Variants in PHLPP1 observed in about 807,000 individuals in gnomAD.
PHLPP1 encodes the protein PH domain and leucine rich repeat protein phosphatase 1, also known as PH domain leucine-rich repeat-containing protein phosphatase 1.
A neutral mutation model predicts 117.2 loss-of-function variants in PHLPP1; 42 were observed. That is an observed-to-expected ratio of 0.36 (90% CI 0.28 to 0.46). PHLPP1 has a LOEUF of 0.46. Among genes scored for constraint, PHLPP1 ranks in the 20% least tolerant of loss-of-function variants. PHLPP1 has a pLI of 1.00. For missense variants in PHLPP1, 2,084 were observed against 2,241.9 expected, an observed-to-expected ratio of 0.93 and a Z score of 1.42; for synonymous variants, 1,042 against 970.7, an observed-to-expected ratio of 1.07 and a Z score of -1.37.
At chr18:62,783,049 G>A (rs145836000) in intron 1 of PHLPP1, among the ~76,000 whole-genome samples, 4 of 141,412 alleles carry the variant, frequency 2.8e-5, no homozygotes, top group African/African-American at 1.0e-4. Flanking sequence ...AATAATTTAG[G>A]GACCAATAAA....
intron 9 of PHLPP1, among the ~76,000 whole-genome samples, chr18:62,916,357 G>A (rs653184): frequency 0.46 from 68,689 of 149,856 alleles, 15,974 homozygotes; most frequent in Middle Eastern, 0.58. Flanking sequence ...TTCTTTTAAT[G>A]TGGCTACTAG....
intron 4 of PHLPP1, among the ~76,000 whole-genome samples, chr18:62,885,234 G>A (rs182806991): frequency 2.0e-3 from 309 of 152,260 alleles, no homozygotes; most frequent in African/African-American, 7.1e-3. Context: ...GTAAAACATT[G>A]GCTTTTTTGT....
intron 1 of PHLPP1, among the ~76,000 whole-genome samples, chr18:62,733,851 A>G (rs1179124566): frequency 6.6e-6 from 1 of 152,138 alleles, no homozygotes; most frequent in Non-Finnish European, 1.5e-5. Context: ...ACTCTAAATT[A>G]TTGGTTCCAG....
rs754251244 is a variant in PHLPP1 at position 62,963,445 on chromosome 18, A to G, written c.3533A>G (p.Tyr1178Cys). The change falls in exon 14 of 17, where the codon TAC becomes TGC. Residue 1178 changes from tyrosine (Y) to cysteine (C), a missense_variant. Transcript: ENST00000262719. ...GCCCCAGCTGTATGGAGTCATGGTT[A>G]CACTGAAGCTTCGGGGGTAAAAAAC... The part of the protein sequence containing the change: ...SGAPAVWSHG[Y>C]TEASGVKNKL... 9 of 1,612,804 alleles carry G rather than the reference A, an allele frequency of 5.6e-6. No homozygotes were observed. The highest frequency in any genetic ancestry group is 1.7e-5 in the Admixed American group (1 of 59,902).
chr18:62,945,301 C>G, intron 12 of PHLPP1, 30 bp downstream of exon 12: 1 of 1,554,918 alleles, frequency 6.4e-7, no homozygotes. Flanking sequence ...AAACTCTAAG[C>G]TTCAGGTCGG....
intron 3 of PHLPP1, among the ~76,000 whole-genome samples, chr18:62,842,115 AC>A (rs1379641251): frequency 6.6e-6 from 1 of 152,248 alleles, no homozygotes; most frequent in Non-Finnish European, 1.5e-5. Context: ...AGTAGAACTA[AC>A]TAACTCAATA....
intron 1 of PHLPP1, among the ~76,000 whole-genome samples, chr18:62,779,180 C>T (rs563709080): frequency 2.4e-4 from 36 of 152,170 alleles, no homozygotes; most frequent in Non-Finnish European, 3.4e-4. Flanking sequence ...TCTGCCTGAG[C>T]ATGAAAGTGC....
chr18:62,760,668 A>G (rs1181278513), intron 1 of PHLPP1, among the ~76,000 whole-genome samples: 2 of 152,104 alleles, frequency 1.3e-5, no homozygotes, highest in Non-Finnish European at 2.9e-5. Context: ...TTCTTCCTCC[A>G]CGTCCACATT....
Position 62,979,956 on chromosome 18 carries a change from A to G in PHLPP1, c.*525A>G, listed in dbSNP as rs1206967678. The G allele has an allele frequency of 1.3e-5, 2 of 154,992 alleles. No homozygotes were observed. The highest frequency in any genetic ancestry group is 4.8e-5 in the African/African-American group (2 of 41,452). 9.6% of individuals were successfully genotyped at this position (154,992 alleles called of 1,614,324 possible). ...GTTGCTTTACTCTGTCAGGTGACTT[A>G]AGTCACTGGGATTCACTAATTTTCT... On this transcript the variant is annotated 3_prime_UTR_variant, in exon 17 of 17. Transcript: ENST00000262719.
At position 62,838,792 on chromosome 18, in the gene PHLPP1, A is replaced by T; in HGVS notation, c.1782A>T (p.Glu594Asp). The T allele has an allele frequency of 6.2e-7, 1 of 1,613,828 alleles. No homozygotes were observed. Among genetic ancestry groups the T allele is most frequent in the Non-Finnish European group, 8.5e-7 (1 of 1,179,770 alleles). The change falls in exon 3 of 17, where the codon GAA becomes GAT. Residue 594 changes from glutamate to aspartate, a missense_variant. Glu to Asp is a conservative substitution (Grantham distance 45). This residue lies in a region of PHLPP1 where 1,365 missense variants were observed against 1,605.9 expected (regional missense o/e 0.85). Coordinates refer to ENST00000262719, the MANE Select transcript of PHLPP1 (RefSeq NM_194449.4). ...TCTGTTTGCTTTTATAGGTAGAAGA[A>T]GTGAAAAAGCACCAACACTGTTTAG... ...VLPLIGGKVEEVKKHQHCLAF... is the reference protein window; with the variant it reads ...VLPLIGGKVEDVKKHQHCLAF...
At chr18:62,740,172 G>A (rs1796108371) in intron 1 of PHLPP1, among the ~76,000 whole-genome samples, 1 of 151,294 alleles carries the variant, frequency 6.6e-6, no homozygotes, top group African/African-American at 2.4e-5. Context: ...GAGGGAGGGT[G>A]GGTAGGTCGG....
At chr18:62,970,545 G>T (rs12960508) in intron 14 of PHLPP1, among the ~76,000 whole-genome samples, 17,362 of 152,058 alleles carry the variant, frequency 0.11, 1,281 homozygotes, top group African/African-American at 0.21. Flanking sequence ...CGGGCGGATC[G>T]CTCGAGATCA....
chr18:62,751,305 C>A (rs2144236278), intron 1 of PHLPP1, among the ~76,000 whole-genome samples: 1 of 152,276 alleles, frequency 6.6e-6, no homozygotes, highest in Non-Finnish European at 1.5e-5. Context: ...CGAACTGTCT[C>A]TAAAACAAGT....
Position 62,979,464 on chromosome 18 carries a change from A to G in PHLPP1, c.*33A>G, listed in dbSNP as rs1568181414. On this transcript the variant is annotated 3_prime_UTR_variant, in exon 17 of 17. Transcript: ENST00000262719. ...GAGCTGTTTAACAAATAAACTAACC[A>G]CAAAAGACTGAGTTGCAAGAGTCTC... 11 of 1,538,492 alleles carry G rather than the reference A, an allele frequency of 7.1e-6. No individual in the cohort carries two copies. Among genetic ancestry groups the G allele is most frequent in the South Asian group, 1.2e-5 (1 of 82,306 alleles).
At chr18:62,846,705 C>T (rs1018921214) in intron 3 of PHLPP1, among the ~76,000 whole-genome samples, 1 of 152,094 alleles carries the variant, frequency 6.6e-6, no homozygotes, top group African/African-American at 2.4e-5. Flanking sequence ...ATTATGGAAT[C>T]TTTGTTACAG....
chr18:62,826,108 TCTA>T (rs1219714446), intron 1 of PHLPP1: 6 of 208,368 alleles, frequency 2.9e-5, no homozygotes, highest in South Asian at 6.9e-5. Flanking sequence ...GTCAAATAAA[TCTA>T]CTACAGTTAT....
At chr18:62,927,085 T>C (rs1230301350) in intron 10 of PHLPP1, among the ~76,000 whole-genome samples, 3 of 152,092 alleles carry the variant, frequency 2.0e-5, no homozygotes, top group Non-Finnish European at 4.4e-5. Context: ...GAAGGAAAAT[T>C]GGCAATTGGA....
At chr18:62,974,805 G>GC (rs1911142647) in intron 15 of PHLPP1, among the ~76,000 whole-genome samples, 1 of 152,154 alleles carries the variant, frequency 6.6e-6, no homozygotes, top group South Asian at 2.1e-4. Context: ...GAGTTTTCTA[G>GC]AATAGATGGT....
At chr18:62,923,492 G>A (rs1909536809) in intron 10 of PHLPP1, among the ~76,000 whole-genome samples, 2 of 152,172 alleles carry the variant, frequency 1.3e-5, no homozygotes, top group African/African-American at 4.8e-5. Context: ...ATCTTGGGCA[G>A]ACAGGATTAT....
Sources: allele counts gnomAD v4.1 joint callset (sites outside exome capture counted in the v4.1 genomes callset), GRCh38; gene constraint gnomAD v4.1.1; regional missense constraint gnomAD v4.1.1; transcripts MANE v1.5; gene names NCBI Gene and HGNC (gene_info 2026-07-23, HGNC 2026-07-21).